The following GPS2 variants were observed in gnomAD, a reference collection of about 807,000 sequenced individuals.
The protein encoded by GPS2 is G protein pathway suppressor 2.
Under a neutral mutation model 48.1 loss-of-function variants are expected in GPS2, and 22 were observed. The observed-to-expected ratio is 0.46, with a 90% confidence interval of 0.33 to 0.65. The LOEUF is 0.65. Ranked by LOEUF, GPS2 falls within the 30% of genes least tolerant of loss-of-function variation. The pLI is 0.03. For synonymous variants in GPS2, 202 were observed against 142.5 expected (o/e 1.42, Z -2.98); for missense variants, 366 against 406.8 (o/e 0.90, Z 0.86).
chr17:7,312,930 G>GA, intron 10 of GPS2, 91 bp from the exon 11 acceptor site: 4 of 1,484,552 alleles, frequency 2.7e-6, no homozygotes, highest in Non-Finnish European at 3.7e-6. Flanking sequence ...AAAGAGGAAG[G>GA]AAAAACCAGA....
At position 7,314,616 on chromosome 17, in the gene GPS2, TGAA is replaced by T. The variant is rs754631983; in HGVS notation, c.95-22_95-20del. On this transcript the variant is annotated intron_variant, in intron 2 of 10. Coordinates refer to ENST00000380728, the MANE Select transcript of GPS2 (RefSeq NM_004489.5). ...TCTTCCTCTGGAGAATCAGGCAGAA[TGAA>T]GAAGAGGCAGGGTAGTGAAAACAAT... 94 of 1,613,834 alleles carry T rather than the reference TGAA, an allele frequency of 5.8e-5. No individual in the cohort carries two copies. The Middle Eastern group carries it at 3.8e-3, about 65-fold the overall frequency.
At position 7,313,448 on chromosome 17, in the gene GPS2, A is replaced by G. The variant is rs773286418; in HGVS notation, c.656T>C (p.Val219Ala). The G allele has an allele frequency of 9.3e-6, 15 of 1,614,188 alleles. No individual in the cohort carries two copies. The South Asian group carries it at 1.5e-4, about 17-fold the overall frequency. ...TGGCTGTGGCTGAGATAGGTACTGC[A>G]CTGCAGGGAATGCCGAAGGAGCTGA... ...QLRAPSAFPA[V>A]QYLSQPQPQP... Residue 219 changes from valine to alanine, a missense_variant, in exon 8 of 11, where the codon GTG becomes GCG. Around this residue, in one of 3 missense-constraint regions of GPS2, gnomAD observed 275 missense variants for 282.3 expected, o/e 0.97. Coordinates refer to ENST00000380728, the MANE Select transcript of GPS2 (RefSeq NM_004489.5).
At position 7,312,712 on chromosome 17, in the gene GPS2, C is replaced by T. The variant is rs2072874106; in HGVS notation, c.*44G>A. The T allele has an allele frequency of 6.1e-6, 9 of 1,471,446 alleles. No homozygotes were observed. Among genetic ancestry groups the T allele is most frequent in the Non-Finnish European group, 8.6e-6 (9 of 1,050,140 alleles). 91.1% of individuals were successfully genotyped at this position (1,471,446 alleles called of 1,614,324 possible). ...GGGACACACAGGGGATACCCTCACC[C>T]ACGATGGGGTGGGGGGTGTGGTGTT... On this transcript the variant is annotated 3_prime_UTR_variant, in exon 11 of 11. Transcript: ENST00000380728.
intron 3 of GPS2, 37 bp from the exon 4 acceptor site, chr17:7,314,440 G>A (rs558802048): frequency 1.1e-4 from 176 of 1,614,022 alleles, no homozygotes; most frequent in Non-Finnish European, 1.4e-4. Flanking sequence ...AAGGCAGGGA[G>A]AGTCAAACGA....
rs1434475819 is a variant in GPS2, at chr17:7,313,123, G to C, written c.806C>G (p.Ser269Cys). 1 of 1,602,756 alleles carries C rather than the reference G, an allele frequency of 6.2e-7. No individual in the cohort carries two copies. The highest frequency in any genetic ancestry group is 1.7e-5 in the Admixed American group (1 of 59,624). Reference sequence around the variant, plus strand: ...CTGGGGGTGCATGGGGCGCAGAGAGGACTGCAGAGAACAGAGTCAGGGCCT... The same window carrying C: ...CTGGGGGTGCATGGGGCGCAGAGAGCACTGCAGAGAACAGAGTCAGGGCCT... ...ANQQTGFSDS[S>C]SLRPMHPQAL... Residue 269 changes from serine to cysteine, a missense_variant and splice_region_variant, in exon 10 of 11, where the codon TCC becomes TGC. Ser to Cys is a moderately radical substitution (Grantham distance 112, BLOSUM62 -1). Around this residue, in one of 3 missense-constraint regions of GPS2, gnomAD observed 275 missense variants for 282.3 expected, o/e 0.97. Coordinates refer to ENST00000380728, the MANE Select transcript of GPS2 (RefSeq NM_004489.5).
chr17:7,314,127 T>TTAA lies in GPS2; in HGVS notation c.349_350insTTA (p.Gln117delinsLeuLys). On this transcript the variant is annotated protein_altering_variant, in exon 5 of 11. Coordinates refer to ENST00000380728, the MANE Select transcript of GPS2 (RefSeq NM_004489.5). ...TCCTGTGTGAACAGTCAGGCTCTGC[T>TTAA]GGTATGCAGCTGATGTTAGGGTGGT... 6.2e-7 allele frequency: 1 copy of TTAA among 1,614,080 alleles called. No individual in the cohort carries two copies. Among genetic ancestry groups the TTAA allele is most frequent in the Non-Finnish European group, 8.5e-7 (1 of 1,179,978 alleles).
chr17:7,315,027 T>C lies in GPS2; in HGVS notation c.26A>G (p.Lys9Arg). MPALLERPKLSNAMARALH... is the reference protein window; with the variant it reads MPALLERPRLSNAMARALH... ...CGCCCTGGCCATGGCGTTGGAAAGC[T>C]TGGGGCGCTCCAGGAGTGCGGGCAT... The change falls in exon 2 of 11, where the codon AAG (lysine) becomes AGG (arginine). Residue 9 changes from lysine (K) to arginine (R), a missense_variant. By Grantham distance (26) the Lys-to-Arg change is conservative. This residue lies in a region of GPS2 where 88 missense variants were observed against 107.4 expected (regional missense o/e 0.82). Transcript: ENST00000380728. The C allele has an allele frequency of 6.2e-7, 1 of 1,603,562 alleles. No homozygotes were observed. The highest frequency in any genetic ancestry group is 8.5e-7 in the Non-Finnish European group (1 of 1,176,124).
chr17:7,313,709 C>G lies in GPS2; in HGVS notation c.493G>C (p.Val165Leu), dbSNP rs762497187. The G allele has an allele frequency of 1.2e-5, 20 of 1,613,856 alleles. No homozygotes were observed. The highest frequency in any genetic ancestry group is 1.4e-5 in the Non-Finnish European group (17 of 1,179,962). Residue 165 changes from valine to leucine, a missense_variant, in exon 7 of 11, where the codon GTG (valine) becomes CTG (leucine). By Grantham distance (32) the Val-to-Leu change is conservative. Coordinates refer to ENST00000380728, the MANE Select transcript of GPS2 (RefSeq NM_004489.5). ...GPQVLTTRHY[V>L]GSAAAFAGTP... Reference sequence around the variant, plus strand: ...CCTGCAAAAGCAGCTGCTGAGCCCACGTAGTGCCGGGTCTAAGGAAGGAGA... The same window carrying G: ...CCTGCAAAAGCAGCTGCTGAGCCCAGGTAGTGCCGGGTCTAAGGAAGGAGA...
At position 7,312,772 on chromosome 17, in the gene GPS2, C is replaced by T. The variant is rs1332522267; in HGVS notation, c.968G>A (p.Arg323Gln). 8 of 1,613,808 alleles carry T rather than the reference C, an allele frequency of 5.0e-6. No individual in the cohort carries two copies. Among genetic ancestry groups the T allele is most frequent in the Non-Finnish European group, 6.8e-6 (8 of 1,179,768 alleles). The change falls in exon 11 of 11, where the codon CGA becomes CAA. Residue 323 changes from arginine (R) to glutamine (Q), a missense_variant. Arg to Gln is a conservative substitution (Grantham distance 43). Coordinates refer to ENST00000380728, the MANE Select transcript of GPS2 (RefSeq NM_004489.5). Reference sequence around the variant, plus strand: ...ATCTGATGGTCACTTGTGGTAGAATCGCGGGTTCTGGCTGTGTTGGATGAA... The same window carrying T: ...ATCTGATGGTCACTTGTGGTAGAATTGCGGGTTCTGGCTGTGTTGGATGAA... ...LPFIQHSQNP[R>Q]FYHK
In GPS2 at chr17:7,313,161, A is replaced by G. The variant is rs746263209; in HGVS notation, c.805-37T>C. 18 of 1,608,070 alleles carry G rather than the reference A, an allele frequency of 1.1e-5. 1 individual carries two copies. The highest frequency in any genetic ancestry group is 1.4e-5 in the Non-Finnish European group (17 of 1,174,696). The stretch of plus-strand genomic sequence containing the variant: ...AGAGTCAGGGCCTGAGGCATACTGA[A>G]GCTCCCCTTAACATATCCCTAACCC... On this transcript the variant is annotated intron_variant, in intron 9 of 10. Coordinates refer to ENST00000380728, the MANE Select transcript of GPS2 (RefSeq NM_004489.5).
At chr17:7,313,747 C>T (rs1446053642) in intron 6 of GPS2, 26 bp from the exon 7 acceptor site, 2 of 1,610,674 alleles carry the variant, frequency 1.2e-6, no homozygotes, top group African/African-American at 1.3e-5. Context: ...GAGAACTCGC[C>T]TACAAACTCC....
Position 7,313,885 on chromosome 17 carries a change from G to A in GPS2, c.480+21C>T, listed in dbSNP as rs79754089. On this transcript the variant is annotated intron_variant, in intron 6 of 10. Transcript: ENST00000380728. The stretch of plus-strand genomic sequence containing the variant: ...GCATGGATGGAAGTACTAGGGGCTA[G>A]GCATCCAATCCTACTCTCACCGTAA... The A allele has an allele frequency of 6.5e-5, 104 of 1,604,494 alleles. No homozygotes were observed. The African/African-American group carries it at 1.3e-3, about 20-fold the overall frequency.
chr17:7,313,358 C>T (rs910189535), intron 8 of GPS2, 22 bp downstream of exon 8: 1 of 1,612,300 alleles, frequency 6.2e-7, no homozygotes, highest in Admixed American at 1.7e-5. Context: ...AGAGCTAGAG[C>T]TCCTGCATGG....
In GPS2 at chr17:7,314,994, C is replaced by G; in HGVS notation, c.59G>C (p.Arg20Pro). 1 of 1,602,510 alleles carries G rather than the reference C, an allele frequency of 6.2e-7. No individual in the cohort carries two copies. Among genetic ancestry groups the G allele is most frequent in the Non-Finnish European group, 8.5e-7 (1 of 1,175,262 alleles). The part of the protein sequence containing the change: ...LSNAMARALH[R>P]HIMMERERKR... The stretch of plus-strand genomic sequence containing the variant: ...GCGCTCCCGCTCCATCATAATGTGC[C>G]GGTGCAGCGCCCTGGCCATGGCGTT... Residue 20 changes from arginine to proline, a missense_variant, in exon 2 of 11, where the codon CGG (arginine) becomes CCG (proline). Arg to Pro is a moderately radical substitution (Grantham distance 103, BLOSUM62 -2). This residue lies in a region of GPS2 where 88 missense variants were observed against 107.4 expected (regional missense o/e 0.82). Transcript: ENST00000380728.
rs759684956 is a variant in GPS2, at chr17:7,312,729, T to A, written c.*27A>T. 1.9e-6 allele frequency: 3 copies of A among 1,547,564 alleles called. No homozygotes were observed. In the South Asian group the frequency reaches 3.3e-5, roughly 17 times the overall value. ...CCCTCACCCACGATGGGGTGGGGGG[T>A]GTGGTGTTGAAGATATAATCTGATG... On this transcript the variant is annotated 3_prime_UTR_variant, in exon 11 of 11. Transcript: ENST00000380728.
rs780242130 is a variant in GPS2 at position 7,313,869 on chromosome 17, G to T, written c.480+37C>A. 6 of 1,586,834 alleles carry T rather than the reference G, an allele frequency of 3.8e-6. No individual in the cohort carries two copies. In the Admixed American group the frequency reaches 1.0e-4, roughly 27 times the overall value. On this transcript the variant is annotated intron_variant, in intron 6 of 10. Transcript: ENST00000380728. Reference sequence around the variant, plus strand: ...TACTGGTGGCAAGGATGCATGGATGGAAGTACTAGGGGCTAGGCATCCAAT... The same window carrying T: ...TACTGGTGGCAAGGATGCATGGATGTAAGTACTAGGGGCTAGGCATCCAAT...
Position 7,314,712 on chromosome 17 carries a change from G to A in GPS2, c.95-115C>T, listed in dbSNP as rs975388145. On this transcript the variant is annotated intron_variant, in intron 2 of 10. Transcript: ENST00000380728. ...AACACGCCTGTATGCTCTTTGCCTC[G>A]AGGGGACAAGCTCCCCATCGCGGCA... 49 of 1,565,772 alleles carry A rather than the reference G, an allele frequency of 3.1e-5. 1 individual carries two copies. The highest frequency in any genetic ancestry group is 2.3e-4 in the South Asian group (20 of 86,040).
rs748493582 is a variant in GPS2 at position 7,313,417 on chromosome 17, G to GGGCTGT, written c.681_686dup (p.Gln228_Pro229dup). On this transcript the variant is annotated inframe_insertion, in exon 8 of 11. Transcript: ENST00000380728. ...GCTGAAAGTGGCCATGCACAGCATA[G>GGGCTGT]GGCTGTGGCTGTGGCTGAGATAGGT... 15 of 1,613,974 alleles carry GGGCTGT rather than the reference G, an allele frequency of 9.3e-6. No individual in the cohort carries two copies. Among genetic ancestry groups the GGGCTGT allele is most frequent in the Middle Eastern group, 1.6e-4 (1 of 6,084 alleles).
At chr17:7,313,814 CTT>C (rs1405857429) in intron 6 of GPS2, 90 bp downstream of exon 6, 1 of 1,572,370 alleles carries the variant, frequency 6.4e-7, no homozygotes, top group East Asian at 2.2e-5. Context: ...TCCCCCTAAA[CTT>C]AAGTGCTTGA....
Sources: allele counts gnomAD v4.1 joint callset, GRCh38; gene constraint gnomAD v4.1.1; regional missense constraint gnomAD v4.1.1; transcripts MANE v1.5; gene names NCBI Gene and HGNC (gene_info 2026-07-23, HGNC 2026-07-21).